Variants in NFAT5 observed in about 807,000 individuals in gnomAD.
NFAT5 encodes the protein nuclear factor of activated T-cells 5.
A neutral mutation model predicts 166.5 loss-of-function variants in NFAT5; 31 were observed. That is an observed-to-expected ratio of 0.19 (90% CI 0.14 to 0.25). The LOEUF is 0.25. Ranked by LOEUF, NFAT5 falls within the 10% of genes least tolerant of loss-of-function variation. NFAT5 has a pLI of 1.00. For synonymous variants in NFAT5, 612 were observed against 639.7 expected, an observed-to-expected ratio of 0.96 and a Z score of 0.65; for missense variants, 1,449 against 1,821.8, an observed-to-expected ratio of 0.80 and a Z score of 3.72.
At position 69,650,638 on chromosome 16, in the gene NFAT5, C is replaced by T. The variant is rs538154624; in HGVS notation, c.813-2598C>T. Among the ~76,000 whole-genome samples, 4 of 152,150 alleles carry T rather than the reference C, an allele frequency of 2.6e-5. No individual in the cohort carries two copies. The South Asian group carries it at 8.3e-4, about 32-fold the overall frequency. On this transcript the variant is annotated intron_variant, in intron 4 of 14. Transcript: ENST00000349945. ...TAAAAACATGTCTTGCCAAGTTAAT[C>T]GATATGCTCTATGAATTTTCCTTGT... is the stretch of plus-strand genomic sequence containing the variant.
At position 69,699,439 on chromosome 16, in the gene NFAT5, A is replaced by G. The variant is rs568043752; in HGVS notation, c.*3088A>G. The G allele has an allele frequency of 6.5e-6, 1 of 152,756 alleles. No individual in the cohort carries two copies. The highest frequency in any genetic ancestry group is 2.4e-5 in the African/African-American group (1 of 41,588). 9.5% of individuals were successfully genotyped at this position (152,756 alleles called of 1,614,324 possible). ...TGGTTATTTATACAAGGGCTGTGCT[A>G]TGCTACCATATTCTTGTTCAATAAT... On this transcript the variant is annotated 3_prime_UTR_variant, in exon 15 of 15. Transcript: ENST00000349945.
intron 4 of NFAT5, among the ~76,000 whole-genome samples, chr16:69,651,131 A>G (rs72801354): frequency 0.059 from 8,983 of 152,282 alleles, 288 homozygotes; most frequent in Middle Eastern, 0.11. Flanking sequence ...TCATCTTAAT[A>G]TTACAGAAGC....
chr16:69,648,558 C>G (rs892117943), intron 4 of NFAT5: 11 of 984,728 alleles, frequency 1.1e-5, no homozygotes, highest in Non-Finnish European at 1.3e-5. Context: ...CTCTGCCAGT[C>G]ACACTACCCA....
At chr16:69,685,546 TA>T (rs148053131) in intron 11 of NFAT5, 3,882 of 134,672 alleles carry the variant, frequency 0.029, 89 homozygotes, top group African/African-American at 0.076. Flanking sequence ...GACCCTGTCT[TA>T]AAAAAAAAAA....
intron 13 of NFAT5, among the ~76,000 whole-genome samples, chr16:69,694,473 T>C (rs1034112933): frequency 2.6e-5 from 4 of 152,180 alleles, no homozygotes; most frequent in Admixed American, 2.6e-4. Context: ...CAGGCTGGTG[T>C]TGAATTTTTG....
chr16:69,694,076 T>C lies in NFAT5; in HGVS notation c.4251T>C (p.Tyr1417=). The change falls in exon 13 of 15, where the codon TAT becomes TAC. Residue 1417 remains tyrosine, a synonymous_variant. Transcript: ENST00000349945. ...AAGATATGCAACAGTCTCCTCTTTATTCCCCTCAGAACAACATGCCTGGAA... is the reference window on the plus strand; with the variant it reads ...AAGATATGCAACAGTCTCCTCTTTACTCCCCTCAGAACAACATGCCTGGAA... The part of the protein sequence containing the change: ...NQQDMQQSPL[Y]SPQNNMPGIQ... 1 of 1,614,192 alleles carries C rather than the reference T, an allele frequency of 6.2e-7. No individual in the cohort carries two copies. Among genetic ancestry groups the C allele is most frequent in the Non-Finnish European group, 8.5e-7 (1 of 1,180,024 alleles).
At position 69,692,582 on chromosome 16, in the gene NFAT5, A is replaced by T; in HGVS notation, c.2757A>T (p.Gln919His). The stretch of plus-strand genomic sequence containing the variant: ...CAGCCGCAATGGTGATGGAGATGCA[A>T]CAGAGTATCTGCCAGGCAGCTGCCC... ...ESSAAMVMEM[Q>H]QSICQAAAQI... Residue 919 changes from glutamine (Q) to histidine (H), a missense_variant, in exon 13 of 15, where the codon CAA (glutamine) becomes CAT (histidine). Physicochemically the swap from Gln to His is conservative, Grantham distance 24 (BLOSUM62 0). Around this residue, in one of 7 missense-constraint regions of NFAT5, gnomAD observed 891 missense variants for 993.0 expected, o/e 0.90. Coordinates refer to ENST00000349945, the MANE Select transcript of NFAT5 (RefSeq NM_138713.4). 1 of 1,614,194 alleles carries T rather than the reference A, an allele frequency of 6.2e-7. No homozygotes were observed. The highest frequency in any genetic ancestry group is 2.2e-5 in the East Asian group (1 of 44,886).
intron 2 of NFAT5, among the ~76,000 whole-genome samples, chr16:69,610,025 T>C (rs80331226): frequency 4.8e-5 from 6 of 125,276 alleles, no homozygotes; most frequent in East Asian, 4.4e-4. Context: ...GAGAGACAGA[T>C]AGAGCGAGTG....
Position 69,692,022 on chromosome 16 carries a change from G to C in NFAT5, c.2197G>C (p.Glu733Gln). 1.9e-6 allele frequency: 3 copies of C among 1,614,178 alleles called. No homozygotes were observed. The highest frequency in any genetic ancestry group is 2.5e-6 in the Non-Finnish European group (3 of 1,180,038). ...LQQATQFQTR[E>Q]TQSREILQSD... ...GCAGGCTACACAGTTTCAGACAAGA[G>C]AAACTCAGTCTAGAGAGATATTACA... The change falls in exon 13 of 15, where the codon GAA becomes CAA. Residue 733 changes from glutamate (E) to glutamine (Q), a missense_variant. Physicochemically the swap from Glu to Gln is conservative, Grantham distance 29. Transcript: ENST00000349945.
chr16:69,652,468 AAAG>A (rs1377248324), intron 4 of NFAT5, among the ~76,000 whole-genome samples: 3 of 151,986 alleles, frequency 2.0e-5, no homozygotes, highest in Admixed American at 1.3e-4. Context: ...AAAAAAAAAA[AAAG>A]GTAGAATGCT....
At position 69,690,998 on chromosome 16, in the gene NFAT5, G is replaced by T; in HGVS notation, c.1833G>T (p.Met611Ile). The change falls in exon 12 of 15, where the codon ATG (methionine) becomes ATT (isoleucine). Residue 611 changes from methionine (M) to isoleucine (I), a missense_variant. Around this residue, in one of 7 missense-constraint regions of NFAT5, gnomAD observed 245 missense variants for 366.6 expected, o/e 0.67. Coordinates refer to ENST00000349945, the MANE Select transcript of NFAT5 (RefSeq NM_138713.4). ...DKVNIIPNAL[M>I]TPLIPSSMIK... is the part of the protein sequence containing the mutation. ...TAAATATTATCCCTAATGCCCTGATGACTCCACTCATACCAAGCAGTATGA... is the reference window on the plus strand; with the variant it reads ...TAAATATTATCCCTAATGCCCTGATTACTCCACTCATACCAAGCAGTATGA... 6.2e-7 allele frequency: 1 copy of T among 1,609,016 alleles called. No individual in the cohort carries two copies. The highest frequency in any genetic ancestry group is 1.1e-5 in the South Asian group (1 of 89,616).
At position 69,692,863 on chromosome 16, in the gene NFAT5, C is replaced by T. The variant is rs776703635; in HGVS notation, c.3038C>T (p.Thr1013Ile). The stretch of plus-strand genomic sequence containing the variant: ...TCAGGAGATGGAGAAGAAACTGGAA[C>T]ACAAGCAAAACAGATTCAGAACAGT... ...SSSGDGEETGTQAKQIQNSVF... is the reference protein window; with the variant it reads ...SSSGDGEETGIQAKQIQNSVF... Residue 1013 changes from threonine to isoleucine, a missense_variant, in exon 13 of 15, where the codon ACA becomes ATA. Around this residue, in one of 7 missense-constraint regions of NFAT5, gnomAD observed 891 missense variants for 993.0 expected, o/e 0.90. Coordinates refer to ENST00000349945, the MANE Select transcript of NFAT5 (RefSeq NM_138713.4). 1 of 1,614,210 alleles carries T rather than the reference C, an allele frequency of 6.2e-7. No individual in the cohort carries two copies. Among genetic ancestry groups the T allele is most frequent in the Admixed American group, 1.7e-5 (1 of 60,026 alleles).
chr16:69,634,225 G>A (rs1252970805), intron 3 of NFAT5, among the ~76,000 whole-genome samples: 3 of 143,776 alleles, frequency 2.1e-5, no homozygotes, highest in African/African-American at 7.9e-5. Flanking sequence ...GTTACAGTGA[G>A]CCGAGATCAT....
intron 3 of NFAT5, chr16:69,646,586 A>G (rs1481576758): frequency 2.5e-6 from 3 of 1,204,886 alleles, no homozygotes; most frequent in Non-Finnish European, 3.2e-6. Context: ...TAGGTTAGAA[A>G]CTTATTTTAA....
chr16:69,630,810 T>C (rs1328995443), intron 3 of NFAT5, among the ~76,000 whole-genome samples: 1 of 152,206 alleles, frequency 6.6e-6, no homozygotes, highest in Non-Finnish European at 1.5e-5. Context: ...TTTGGGGCTT[T>C]TGAAAAGATG....
Position 69,677,316 on chromosome 16 carries a change from C to T in NFAT5, c.1671C>T (p.Phe557=). The change falls in exon 10 of 15, where the codon TTC becomes TTT. Residue 557 remains phenylalanine (F), a synonymous_variant. Coordinates refer to ENST00000349945, the MANE Select transcript of NFAT5 (RefSeq NM_138713.4). ...GAAGATCTCATGATGTTCAACCATTCACTTACACTCCAGACCCAGGTATGT... is the reference window on the plus strand; with the variant it reads ...GAAGATCTCATGATGTTCAACCATTTACTTACACTCCAGACCCAGGTATGT... The part of the protein sequence containing the change: ...NAGRSHDVQP[F]TYTPDPAAAG... 1 of 1,606,022 alleles carries T rather than the reference C, an allele frequency of 6.2e-7. No homozygotes were observed. The highest frequency in any genetic ancestry group is 8.5e-7 in the Non-Finnish European group (1 of 1,177,500).
chr16:69,630,158 A>G (rs2151587245), intron 3 of NFAT5, among the ~76,000 whole-genome samples: 1 of 151,994 alleles, frequency 6.6e-6, no homozygotes, highest in South Asian at 2.1e-4. Flanking sequence ...GCTGATCTCA[A>G]ACTCCTGACC....
intron 9 of NFAT5, among the ~76,000 whole-genome samples, chr16:69,676,114 C>G (rs2036822509): frequency 1.3e-5 from 2 of 152,210 alleles, no homozygotes; most frequent in South Asian, 4.1e-4. Context: ...TCATCAAACT[C>G]ACGTCACCCT....
At chr16:69,570,829 ATAATT>A (rs2016384643) in intron 2 of NFAT5, among the ~76,000 whole-genome samples, 1 of 152,132 alleles carries the variant, frequency 6.6e-6, no homozygotes, top group African/African-American at 2.4e-5. Flanking sequence ...CCTTAGCCTA[ATAATT>A]TAATCTTTTT....
Sources: allele counts gnomAD v4.1 joint callset (sites outside exome capture counted in the v4.1 genomes callset), GRCh38; gene constraint gnomAD v4.1.1; regional missense constraint gnomAD v4.1.1; transcripts MANE v1.5; gene names NCBI Gene and HGNC (gene_info 2026-07-23, HGNC 2026-07-21).